The following ANO2 variants were observed in gnomAD, a reference collection of about 807,000 sequenced individuals.
The protein encoded by ANO2 is anoctamin 2.
ANO2 carries 101 observed loss-of-function variants against 124.2 expected under a neutral mutation model. The ratio of observed to expected loss-of-function variants is 0.81; its 90% CI spans 0.69 to 0.96. ANO2 has a LOEUF of 0.96. Ranked by LOEUF, ANO2 falls within the 40% of genes least tolerant of loss-of-function variation. The pLI is 0.00. For synonymous variants in ANO2, 486 were observed against 482.5 expected, an observed-to-expected ratio of 1.01 and a Z score of -0.09; for missense variants, 1,293 against 1,274.5, an observed-to-expected ratio of 1.01 and a Z score of -0.22.
intron 3 of ANO2, among the ~76,000 whole-genome samples, chr12:5,916,240 G>A (rs1287794158): frequency 6.6e-6 from 1 of 152,144 alleles, no homozygotes; most frequent in Non-Finnish European, 1.5e-5. Flanking sequence ...TCACACTGCT[G>A]CAATCCAGCC....
intron 10 of ANO2, among the ~76,000 whole-genome samples, chr12:5,784,388 AT>A (rs1214882073): frequency 6.6e-6 from 1 of 152,136 alleles, no homozygotes; most frequent in Non-Finnish European, 1.5e-5. Context: ...GAGGGCCAGG[AT>A]TTTTTGTTAG....
At chr12:5,801,986 C>A (rs1276616676) in intron 9 of ANO2, among the ~76,000 whole-genome samples, 1 of 152,172 alleles carries the variant, frequency 6.6e-6, no homozygotes, top group Non-Finnish European at 1.5e-5. Context: ...GCAGGCAGGG[C>A]ACCCCCTCGA....
intron 10 of ANO2, among the ~76,000 whole-genome samples, chr12:5,768,217 C>T (rs999383247): frequency 6.6e-6 from 1 of 152,174 alleles, no homozygotes; most frequent in African/African-American, 2.4e-5. Context: ...TTCTCACAGC[C>T]GCATGGTTTC....
intron 10 of ANO2, among the ~76,000 whole-genome samples, chr12:5,775,848 C>A (rs1952219754): frequency 6.6e-6 from 1 of 152,100 alleles, no homozygotes; most frequent in Non-Finnish European, 1.5e-5. Context: ...TGAAGTCTTG[C>A]CCAGAACCAA....
chr12:5,638,236 CCTTT>C (rs1174427423), intron 15 of ANO2, among the ~76,000 whole-genome samples: 1 of 139,630 alleles, frequency 7.2e-6, no homozygotes, highest in African/African-American at 2.7e-5. Context: ...TGTTTCTTTT[CCTTT>C]TTTTTTTTTT....
intron 14 of ANO2, among the ~76,000 whole-genome samples, chr12:5,700,226 T>C (rs1399706225): frequency 3.3e-5 from 5 of 152,158 alleles, no homozygotes; most frequent in African/African-American, 9.7e-5. Context: ...AGAACAGAAA[T>C]TATAACAAAC....
At chr12:5,840,768 A>C (rs10774379) in intron 4 of ANO2, among the ~76,000 whole-genome samples, 43,467 of 151,998 alleles carry the variant, frequency 0.29, 7,866 homozygotes, top group South Asian at 0.47. Flanking sequence ...ACGTGTTGAC[A>C]GAAATTAACA....
At chr12:5,678,011 AAATGTACCC>A (rs770828674) in intron 14 of ANO2, among the ~76,000 whole-genome samples, 1 of 152,138 alleles carries the variant, frequency 6.6e-6, no homozygotes, top group Non-Finnish European at 1.5e-5. Flanking sequence ...GGTAGGGAAG[AAATGTACCC>A]AGGGAAGAGT....
intron 3 of ANO2, among the ~76,000 whole-genome samples, chr12:5,867,380 T>C (rs1474425949): frequency 1.3e-5 from 2 of 151,998 alleles, no homozygotes; most frequent in Non-Finnish European, 2.9e-5. Context: ...ATGGATGAGG[T>C]TTTTGACTGT....
chr12:5,786,800 C>A (rs572269513), intron 10 of ANO2, among the ~76,000 whole-genome samples: 1 of 152,168 alleles, frequency 6.6e-6, no homozygotes, highest in African/African-American at 2.4e-5. Context: ...GGATTTGGGG[C>A]AAGTGACTTG....
intron 16 of ANO2, among the ~76,000 whole-genome samples, chr12:5,624,255 A>C (rs1035261405): frequency 1.2e-4 from 19 of 152,192 alleles, no homozygotes; most frequent in Admixed American, 1.1e-3. Context: ...AGAGAGAGAG[A>C]GAGAGAAACA....
chr12:5,626,261 T>G (rs1410938706), intron 16 of ANO2, among the ~76,000 whole-genome samples: 1 of 151,862 alleles, frequency 6.6e-6, no homozygotes, highest in East Asian at 1.9e-4. Context: ...CCAGGGTGAG[T>G]TCCCAGGGAG....
At chr12:5,885,875 T>G (rs1305056385) in intron 3 of ANO2, among the ~76,000 whole-genome samples, 1 of 152,152 alleles carries the variant, frequency 6.6e-6, no homozygotes, top group Non-Finnish European at 1.5e-5. Context: ...TAAGGCTGAC[T>G]CCACTCAAAG....
At chr12:5,721,802 C>T (rs1950246954) in intron 14 of ANO2, among the ~76,000 whole-genome samples, 1 of 152,212 alleles carries the variant, frequency 6.6e-6, no homozygotes, top group Non-Finnish European at 1.5e-5. Context: ...GCCACTGCGC[C>T]CAACTTAGGA....
rs1941698110 is a variant in ANO2, at chr12:5,921,426, G to C, written c.208-60C>G. ...TGGTGAGTAAGGGGTGAGAAACAGA[G>C]GAGGCTGATCTATGCTCTGGGCTCA... On this transcript the variant is annotated intron_variant, in intron 2 of 24. Transcript: ENST00000682330. 3.3e-6 allele frequency: 5 copies of C among 1,522,628 alleles called. No individual in the cohort carries two copies. In the South Asian group the frequency reaches 6.0e-5, roughly 18 times the overall value. The allele number at this position is 1,522,628 out of a possible 1,614,324, so 94.3% of individuals were successfully genotyped here.
At chr12:5,843,041 C>T (rs193043412) in intron 4 of ANO2, among the ~76,000 whole-genome samples, 222 of 152,312 alleles carry the variant, frequency 1.5e-3, no homozygotes, top group Middle Eastern at 3.4e-3. Flanking sequence ...CCAGCTGTCC[C>T]TCTATTGAAA....
At chr12:5,852,731 A>G (rs1361771559) in intron 4 of ANO2, among the ~76,000 whole-genome samples, 3 of 152,156 alleles carry the variant, frequency 2.0e-5, no homozygotes, top group Non-Finnish European at 2.9e-5. Context: ...TACAGAAGGC[A>G]ACAAATATGG....
intron 1 of ANO2, among the ~76,000 whole-genome samples, chr12:5,924,606 G>A (rs755682720): frequency 6.6e-6 from 1 of 152,264 alleles, no homozygotes; most frequent in African/African-American, 2.4e-5. Context: ...CGAAAGCTGA[G>A]TCAGGCAAGA....
At chr12:5,733,441 C>T (rs960568265) in intron 13 of ANO2, among the ~76,000 whole-genome samples, 3 of 152,206 alleles carry the variant, frequency 2.0e-5, no homozygotes, top group African/African-American at 2.4e-5. Flanking sequence ...GTCTTCCTTA[C>T]GGTTTCCAGC....
Sources: allele counts gnomAD v4.1 joint callset (sites outside exome capture counted in the v4.1 genomes callset), GRCh38; gene constraint gnomAD v4.1.1; transcripts MANE v1.5; gene names NCBI Gene and HGNC (gene_info 2026-07-23, HGNC 2026-07-21).